CLPX: variants seen among roughly 807,000 people sequenced by gnomAD.
CLPX encodes the protein caseinolytic mitochondrial matrix peptidase chaperone subunit X.
Under a neutral mutation model 76.4 loss-of-function variants are expected in CLPX, and 34 were observed. That is an observed-to-expected ratio of 0.45 (90% CI 0.34 to 0.59). The LOEUF (loss-of-function observed/expected upper bound fraction) is 0.59. Among genes scored for constraint, CLPX ranks in the 20% least tolerant of loss-of-function variants. The pLI is 0.01. For missense variants in CLPX, 613 were observed against 757.0 expected (o/e 0.81, Z 2.23); for synonymous variants, 248 against 270.9 (o/e 0.92, Z 0.83).
At position 65,163,062 on chromosome 15, in the gene CLPX, G is replaced by A. The variant is rs138642448; in HGVS notation, c.674-417C>T. ...TAAAAATGAAGATTTCAGGCCAGGC[G>A]CAAGAGTTCACGCCTATTAATCCCA... On this transcript the variant is annotated intron_variant, in intron 5 of 13. Coordinates refer to ENST00000300107, the MANE Select transcript of CLPX (RefSeq NM_006660.5). 2.2e-3 allele frequency among the ~76,000 whole-genome samples: 341 copies of A among 152,114 alleles called. 3 individuals are homozygous for A. The highest frequency in any genetic ancestry group is 7.5e-3 in the African/African-American group (312 of 41,490).
chr15:65,153,502 C>G (rs1393605797), intron 12 of CLPX, 45 bp downstream of exon 12: 1 of 1,218,362 alleles, frequency 8.2e-7, no homozygotes, highest in South Asian at 1.3e-5. Flanking sequence ...ATACTCAAAA[C>G]TCAGACCAAG....
rs2088126587 is a variant in CLPX, at chr15:65,178,990, T to C, written c.302A>G (p.Asn101Ser). ...GCCACATTTAGGACAGCGCAGCTGGTTTCCACCTTTCCCAGAATTCCCAGA... is the reference window on the plus strand; with the variant it reads ...GCCACATTTAGGACAGCGCAGCTGGCTTCCACCTTTCCCAGAATTCCCAGA... The part of the protein sequence containing the change: ...SGSGNSGKGG[N>S]QLRCPKCGDL... The change falls in exon 3 of 14, where the codon AAC becomes AGC. Residue 101 changes from asparagine to serine, a missense_variant. Transcript: ENST00000300107. 1.2e-6 allele frequency: 2 copies of C among 1,612,260 alleles called. No homozygotes were observed. Among genetic ancestry groups the C allele is most frequent in the East Asian group, 2.2e-5 (1 of 44,860 alleles).
chr15:65,183,534 G>T (rs1291333679), intron 1 of CLPX, among the ~76,000 whole-genome samples: 1 of 143,726 alleles, frequency 7.0e-6, no homozygotes, highest in Admixed American at 7.1e-5. Context: ...AAGAAAGACA[G>T]AAAGGAAAGA....
In CLPX at chr15:65,164,140, T is replaced by G. The variant is rs1378154339; in HGVS notation, c.562A>C (p.Lys188Gln). ...TTGTACACAGCAACTGAAAGCACCTTCTTAGCAAATGACTGGCCAACAACA... is the reference window on the plus strand; with the variant it reads ...TTGTACACAGCAACTGAAAGCACCTGCTTAGCAAATGACTGGCCAACAACA... The part of the protein sequence containing the change: ...KYVVGQSFAK[K>Q]VLSVAVYNHY... Residue 188 changes from lysine to glutamine, a missense_variant, in exon 5 of 14, where the codon AAG (lysine) becomes CAG (glutamine). Lys to Gln is a moderately conservative substitution (Grantham distance 53, BLOSUM62 1). This residue lies in a region of CLPX where 450 missense variants were observed against 638.6 expected (regional missense o/e 0.70). Coordinates refer to ENST00000300107, the MANE Select transcript of CLPX (RefSeq NM_006660.5). The G allele has an allele frequency of 2.5e-6, 4 of 1,612,916 alleles. No individual in the cohort carries two copies. The highest frequency in any genetic ancestry group is 3.4e-6 in the Non-Finnish European group (4 of 1,179,386).
chr15:65,150,639 A>G lies in CLPX; in HGVS notation c.*184T>C, dbSNP rs2087707794. On this transcript the variant is annotated 3_prime_UTR_variant, in exon 14 of 14. Coordinates refer to ENST00000300107, the MANE Select transcript of CLPX (RefSeq NM_006660.5). The stretch of plus-strand genomic sequence containing the variant: ...ATTGTGTCATTAAAGTCCATATAAC[A>G]TCTTCCGTAAAATCAATGTGATGTT... The G allele has an allele frequency of 5.0e-6, 2 of 403,224 alleles. No homozygotes were observed. Among genetic ancestry groups the G allele is most frequent in the South Asian group, 1.9e-4 (2 of 10,608 alleles). The allele number at this position is 403,224 out of a possible 1,614,324, so 25.0% of individuals were successfully genotyped here.
At position 65,152,449 on chromosome 15, in the gene CLPX, T is replaced by C. The variant is rs1382587479; in HGVS notation, c.1792A>G (p.Lys598Glu). The C allele has an allele frequency of 6.4e-7, 1 of 1,551,912 alleles. No individual in the cohort carries two copies. The highest frequency in any genetic ancestry group is 8.7e-7 in the Non-Finnish European group (1 of 1,149,286). Residue 598 changes from lysine to glutamate, a missense_variant, in exon 13 of 14, where the codon AAG (lysine) becomes GAG (glutamate). Transcript: ENST00000300107. ...CTTTACCGGATGTATCCTGGTTCCT[T>C]TTTTCCTTCTACTACTTCTTTGTCA... ...EVDKEVVEGKKEPGYIRAPTK... is the reference protein window; with the variant it reads ...EVDKEVVEGKEEPGYIRAPTK...
chr15:65,156,982 G>A lies in CLPX; in HGVS notation c.1058-50C>T, dbSNP rs745542027. 5 of 1,225,942 alleles carry A rather than the reference G, an allele frequency of 4.1e-6. No individual in the cohort carries two copies. In the African/African-American group the frequency reaches 6.0e-5, roughly 15 times the overall value. 75.9% of individuals were successfully genotyped at this position (1,225,942 alleles called of 1,614,324 possible). On this transcript the variant is annotated intron_variant, in intron 8 of 13. Coordinates refer to ENST00000300107, the MANE Select transcript of CLPX (RefSeq NM_006660.5). Reference sequence around the variant, plus strand: ...TATAATACGAAAAAGATATACACAAGATAGCCTCAGCTTTAAAATACTTAG... The same window carrying A: ...TATAATACGAAAAAGATATACACAAAATAGCCTCAGCTTTAAAATACTTAG...
intron 3 of CLPX, among the ~76,000 whole-genome samples, chr15:65,178,229 G>C (rs746639325): frequency 1.5e-4 from 23 of 152,196 alleles, no homozygotes; most frequent in Non-Finnish European, 2.8e-4. Flanking sequence ...CCAGCCATGT[G>C]AGATATTCAA....
At chr15:65,164,231 T>A (rs768171566) in intron 4 of CLPX, 43 bp from the exon 5 acceptor site, 1 of 1,495,386 alleles carries the variant, frequency 6.7e-7, no homozygotes, top group East Asian at 2.3e-5. Flanking sequence ...TGAGCTATTA[T>A]AAGAGCACAC....
intron 10 of CLPX, among the ~76,000 whole-genome samples, chr15:65,155,470 A>ACCC (rs1361783591): frequency 6.6e-6 from 1 of 151,722 alleles, no homozygotes; most frequent in Non-Finnish European, 1.5e-5. Flanking sequence ...CTGGTCTTGA[A>ACCC]CTCCTGAGCT....
Position 65,180,034 on chromosome 15 carries a change from A to C in CLPX, c.240+10T>G. On this transcript the variant is annotated intron_variant, in intron 2 of 13. Coordinates refer to ENST00000300107, the MANE Select transcript of CLPX (RefSeq NM_006660.5). ...AATGTGTACAGATGCCAATAAGATA[A>C]AATAATTACCTTATTTCCATCTCCA... The C allele has an allele frequency of 6.3e-7, 1 of 1,591,622 alleles. No homozygotes were observed.
chr15:65,161,463 A>G (rs144211433), intron 6 of CLPX, among the ~76,000 whole-genome samples: 182 of 152,352 alleles, frequency 1.2e-3, no homozygotes, highest in African/African-American at 4.3e-3. Flanking sequence ...AAAACTGCAC[A>G]TGACAATAAA....
intron 3 of CLPX, among the ~76,000 whole-genome samples, chr15:65,177,108 C>T (rs899616981): frequency 4.0e-5 from 6 of 151,676 alleles, no homozygotes; most frequent in Non-Finnish European, 8.8e-5. Context: ...CTCTGTCGCC[C>T]AGGCTGGAGA....
intron 6 of CLPX, among the ~76,000 whole-genome samples, chr15:65,159,961 C>T (rs929441890): frequency 3.3e-5 from 5 of 151,944 alleles, no homozygotes; most frequent in Admixed American, 1.3e-4. Flanking sequence ...TACAGGCACA[C>T]GCCACCACAC....
chr15:65,169,353 G>T (rs2087965901), intron 3 of CLPX, among the ~76,000 whole-genome samples: 5 of 152,252 alleles, frequency 3.3e-5, no homozygotes, highest in South Asian at 4.1e-4. Flanking sequence ...CTCCCACCTT[G>T]GCCTCCGAAA....
intron 3 of CLPX, among the ~76,000 whole-genome samples, chr15:65,168,333 G>C (rs1452321013): frequency 2.5e-5 from 3 of 117,846 alleles, no homozygotes; most frequent in African/African-American, 9.6e-5. Context: ...GCAGTGAGAT[G>C]AGATTGCACC....
intron 1 of CLPX, 151 bp downstream of exon 1, chr15:65,184,924 G>A: frequency 1.5e-6 from 1 of 675,224 alleles, no homozygotes; most frequent in Non-Finnish European, 2.6e-6. Flanking sequence ...CATTCCACGG[G>A]GAAAGTGGTG....
chr15:65,157,858 A>G lies in CLPX; in HGVS notation c.945T>C (p.Ala315=). The G allele has an allele frequency of 1.2e-6, 2 of 1,612,686 alleles. No homozygotes were observed. The highest frequency in any genetic ancestry group is 1.7e-6 in the Non-Finnish European group (2 of 1,179,408). Residue 315 remains alanine, a synonymous_variant, in exon 8 of 14, where the codon GCT becomes GCC. Coordinates refer to ENST00000300107, the MANE Select transcript of CLPX (RefSeq NM_006660.5). ...GAGTCAAAGTTGTACAGTCACAGAT[A>G]GCAAAAGGGACATCAAGGCATTTAG... ...TLAKCLDVPF[A]ICDCTTLTQA... is the part of the protein sequence containing the mutation.
intron 6 of CLPX, among the ~76,000 whole-genome samples, chr15:65,158,965 T>C (rs1281147639): frequency 2.6e-5 from 4 of 152,120 alleles, no homozygotes; most frequent in East Asian, 1.9e-4. Context: ...GCAAAGGAAA[T>C]TGATTTTTTT....
Sources: allele counts gnomAD v4.1 joint callset (sites outside exome capture counted in the v4.1 genomes callset), GRCh38; gene constraint gnomAD v4.1.1; regional missense constraint gnomAD v4.1.1; transcripts MANE v1.5; gene names NCBI Gene and HGNC (gene_info 2026-07-23, HGNC 2026-07-21).